Variants in ZNF227 observed in about 807,000 individuals in gnomAD.
ZNF227 encodes zinc finger protein 227.
Under a neutral mutation model 13.2 loss-of-function variants are expected in ZNF227, and 12 were observed. The observed-to-expected ratio is 0.91, with a 90% CI of 0.58 to 1.47. ZNF227 has a LOEUF of 1.47. Ranked by LOEUF, ZNF227 falls within the 40% of genes most tolerant of loss-of-function variation. The pLI, the probability that ZNF227 is intolerant of heterozygous loss-of-function variation, is 0.00. For missense variants in ZNF227, 885 were observed against 967.5 expected (o/e 0.91, Z 1.13); for synonymous variants, 338 against 326.0 (o/e 1.04, Z -0.40).
chr19:44,221,654 G>A (rs1428354098), intron 3 of ZNF227, among the ~76,000 whole-genome samples: 1 of 152,100 alleles, frequency 6.6e-6, no homozygotes, highest in East Asian at 1.9e-4. Flanking sequence ...TGTAGATTCT[G>A]GATATTAGCC....
At chr19:44,226,532 G>T (rs1256807957) in intron 3 of ZNF227, among the ~76,000 whole-genome samples, 1 of 152,202 alleles carries the variant, frequency 6.6e-6, no homozygotes, top group African/African-American at 2.4e-5. Flanking sequence ...TCAGACTGCT[G>T]TGCTAGCAAT....
chr19:44,214,788 CTTT>C (rs59397656), intron 2 of ZNF227, among the ~76,000 whole-genome samples: 1 of 143,600 alleles, frequency 7.0e-6, no homozygotes. Context: ...TTCCACCCCA[CTTT>C]TTTTTTTTTT....
At position 44,234,694 on chromosome 19, in the gene ZNF227, T is replaced by A; in HGVS notation, c.272-8T>A. ...TCTCTAAATATTGCCTTTTTTCTTT[T>A]TTAATAGGCAGCAAGCATCAAAATA... On this transcript the variant is annotated splice_polypyrimidine_tract_variant and splice_region_variant and intron_variant, in intron 5 of 5. Coordinates refer to ENST00000313040, the MANE Select transcript of ZNF227 (RefSeq NM_182490.3). 6.4e-7 allele frequency: 1 copy of A among 1,563,528 alleles called. No individual in the cohort carries two copies.
chr19:44,228,662 G>T (rs1442515857), intron 4 of ZNF227, 90 bp downstream of exon 4: 3 of 1,339,700 alleles, frequency 2.2e-6, no homozygotes. Flanking sequence ...CTTTTAAAAT[G>T]GTTCTTTGCT....
At position 44,232,532 on chromosome 19, in the gene ZNF227, T is replaced by G. The variant is rs1171716006; in HGVS notation, c.272-2170T>G. Among the ~76,000 whole-genome samples, 7 of 152,306 alleles carry G rather than the reference T, an allele frequency of 4.6e-5. No homozygotes were observed. In the East Asian group the frequency reaches 1.4e-3, roughly 29 times the overall value. On this transcript the variant is annotated intron_variant, in intron 5 of 5. Coordinates refer to ENST00000313040, the MANE Select transcript of ZNF227 (RefSeq NM_182490.3). ...TGTTGGAAGCAGCAAAAGGGAGAGATATATAGGGTGAAATCTGGGTGGCTT... is the reference window on the plus strand; with the variant it reads ...TGTTGGAAGCAGCAAAAGGGAGAGAGATATAGGGTGAAATCTGGGTGGCTT...
chr19:44,223,611 T>C (rs1355623070), intron 3 of ZNF227, among the ~76,000 whole-genome samples: 1 of 152,240 alleles, frequency 6.6e-6, no homozygotes, highest in Non-Finnish European at 1.5e-5. Context: ...AGTGGTGATA[T>C]CCCATTTATC....
chr19:44,229,881 T>C (rs577866159), intron 5 of ZNF227, 65 bp downstream of exon 5: 6 of 1,157,772 alleles, frequency 5.2e-6, no homozygotes, highest in African/African-American at 4.6e-5. Flanking sequence ...CATCTTACCA[T>C]GTCCATGACC....
chr19:44,210,101 G>GA (rs1173501794), upstream of ZNF227, among the ~76,000 whole-genome samples: 4 of 152,176 alleles, frequency 2.6e-5, no homozygotes, highest in Admixed American at 6.5e-5. Flanking sequence ...ATGGATTTAG[G>GA]AAAAAATAAA....
At position 44,235,062 on chromosome 19, in the gene ZNF227, C is replaced by T. The variant is rs1314623059; in HGVS notation, c.632C>T (p.Ser211Leu). 3.7e-6 allele frequency: 6 copies of T among 1,613,896 alleles called. No homozygotes were observed. Among genetic ancestry groups the T allele is most frequent in the Middle Eastern group, 1.6e-4 (1 of 6,062 alleles). Reference protein sequence around the residue: ...LQIHEDFMKKSPFHEHIKTDT... With the variant: ...LQIHEDFMKKLPFHEHIKTDT... Reference sequence around the variant, plus strand: ...ATACATGAAGACTTCATGAAGAAATCACCATTTCATGAGCATATTAAAACT... The same window carrying T: ...ATACATGAAGACTTCATGAAGAAATTACCATTTCATGAGCATATTAAAACT... Residue 211 changes from serine (S) to leucine (L), a missense_variant, in exon 6 of 6, where the codon TCA becomes TTA. By Grantham distance (145) the Ser-to-Leu change is moderately radical. Transcript: ENST00000313040.
In ZNF227 at chr19:44,235,296, G is replaced by T. The variant is rs139837949; in HGVS notation, c.866G>T (p.Arg289Ile). The T allele has an allele frequency of 1.9e-6, 3 of 1,614,028 alleles. No homozygotes were observed. Among genetic ancestry groups the T allele is most frequent in the African/African-American group, 1.3e-5 (1 of 74,924 alleles). The change falls in exon 6 of 6, where the codon AGA (arginine) becomes ATA (isoleucine). Residue 289 changes from arginine (R) to isoleucine (I), a missense_variant. Physicochemically the swap from Arg to Ile is moderately conservative, Grantham distance 97. Transcript: ENST00000313040. ...AGCTCACATCTGCGAACTCATCAGA[G>T]AATTCACCCAGGAGAGAAACTCAAT... is the stretch of plus-strand genomic sequence containing the variant. Reference protein sequence around the residue: ...SQSSHLRTHQRIHPGEKLNRC... With the variant: ...SQSSHLRTHQIIHPGEKLNRC...
intron 5 of ZNF227, among the ~76,000 whole-genome samples, chr19:44,231,466 G>C (rs1053330834): frequency 2.0e-5 from 3 of 152,070 alleles, no homozygotes; most frequent in Admixed American, 2.0e-4. Context: ...CCGAGTAGCT[G>C]GGATTACAGG....
chr19:44,215,258 C>G (rs1971752700), intron 2 of ZNF227, among the ~76,000 whole-genome samples: 1 of 151,508 alleles, frequency 6.6e-6, no homozygotes, highest in Non-Finnish European at 1.5e-5. Flanking sequence ...CCTCTGCCTC[C>G]CGGGTTCAAG....
In ZNF227 at chr19:44,236,264, A is replaced by C. The variant is rs1286190589; in HGVS notation, c.1834A>C (p.Ser612Arg). ...CTATAAATGTGAGCAGTGTGATAAG[A>C]GCTTCAGTCAGGCCATAGATTTTCG... ...KPYKCEQCDK[S>R]FSQAIDFRVH... is the part of the protein sequence containing the mutation. The change falls in exon 6 of 6, where the codon AGC (serine) becomes CGC (arginine). Residue 612 changes from serine (S) to arginine (R), a missense_variant. Coordinates refer to ENST00000313040, the MANE Select transcript of ZNF227 (RefSeq NM_182490.3). 4.3e-6 allele frequency: 7 copies of C among 1,613,202 alleles called. No individual in the cohort carries two copies. The highest frequency in any genetic ancestry group is 5.9e-6 in the Non-Finnish European group (7 of 1,179,802).
At chr19:44,216,366 T>C (rs893185416) in intron 2 of ZNF227, among the ~76,000 whole-genome samples, 4 of 152,190 alleles carry the variant, frequency 2.6e-5, no homozygotes, top group Non-Finnish European at 4.4e-5. Context: ...AATCTAATTG[T>C]TATTTCTTTT....
intron 3 of ZNF227, among the ~76,000 whole-genome samples, chr19:44,220,994 T>C (rs905307787): frequency 1.3e-5 from 2 of 151,260 alleles, no homozygotes; most frequent in Admixed American, 1.3e-4. Flanking sequence ...ACTCATCCTT[T>C]TTTATGGCTG....
rs751259170 is a variant in ZNF227, at chr19:44,236,061, G to A, written c.1631G>A (p.Gly544Glu). 19 of 1,614,170 alleles carry A rather than the reference G, an allele frequency of 1.2e-5. No individual in the cohort carries two copies. In the South Asian group the frequency reaches 1.9e-4, roughly 16 times the overall value. ...CAAACCCATCAGCGAGTCCACACTG[G>A]AGAGAAACCATATAGATGTGATGTG... Reference protein sequence around the residue: ...KLQTHQRVHTGEKPYRCDVCG... With the variant: ...KLQTHQRVHTEEKPYRCDVCG... The change falls in exon 6 of 6, where the codon GGA (glycine) becomes GAA (glutamate). Residue 544 changes from glycine to glutamate, a missense_variant. Transcript: ENST00000313040.
At chr19:44,228,636 GTT>G in intron 4 of ZNF227, 64 bp downstream of exon 4, 1 of 1,514,622 alleles carries the variant, frequency 6.6e-7, no homozygotes, top group South Asian at 1.3e-5. Flanking sequence ...GCTCTCAGGT[GTT>G]TAAGGGTTTG....
At chr19:44,222,539 T>C (rs1204446722) in intron 3 of ZNF227, among the ~76,000 whole-genome samples, 1 of 151,418 alleles carries the variant, frequency 6.6e-6, no homozygotes, top group African/African-American at 2.4e-5. Context: ...TGAATGGGAG[T>C]TCACTCATGA....
chr19:44,211,647 G>C (rs566491413), upstream of ZNF227, among the ~76,000 whole-genome samples: 17 of 152,276 alleles, frequency 1.1e-4, no homozygotes, highest in African/African-American at 4.1e-4. Context: ...CAGTAAGCAA[G>C]TTGTTCTGAA....
Sources: allele counts gnomAD v4.1 joint callset (sites outside exome capture counted in the v4.1 genomes callset), GRCh38; gene constraint gnomAD v4.1.1; transcripts MANE v1.5; gene names NCBI Gene and HGNC (gene_info 2026-07-23, HGNC 2026-07-21).